The following ZIM2 variants were observed in gnomAD, a reference collection of about 807,000 sequenced individuals.
ZIM2 encodes the protein zinc finger protein 656.
Under a neutral mutation model 38.6 loss-of-function variants are expected in ZIM2, and 14 were observed. The ratio of observed to expected loss-of-function variants is 0.36; its 90% CI spans 0.24 to 0.57. The LOEUF is 0.57. ZIM2 is among the 20% of genes least tolerant of loss of function. The probability of loss-of-function intolerance (pLI) is 0.81; values close to 1 mark genes in which losing one functional copy is unlikely to be tolerated. For missense variants in ZIM2, 680 were observed against 695.1 expected (o/e 0.98, Z 0.24); for synonymous variants, 247 against 245.8 (o/e 1.00, Z -0.04).
At chr19:56,800,749 A>G (rs1457269270) in intron 9 of ZIM2, among the ~76,000 whole-genome samples, 1 of 152,234 alleles carries the variant, frequency 6.6e-6, no homozygotes, top group East Asian at 1.9e-4. Context: ...GGTATGATAG[A>G]ACAAATCAAA....
At chr19:56,829,209 G>A (rs1306909336) in intron 2 of ZIM2, among the ~76,000 whole-genome samples, 1 of 151,928 alleles carries the variant, frequency 6.6e-6, no homozygotes, top group Non-Finnish European at 1.5e-5. Context: ...AAATTAGCTG[G>A]GCGTGGTGGC....
At chr19:56,818,496 C>A in intron 8 of ZIM2, 104 bp downstream of exon 8, 1 of 1,219,576 alleles carries the variant, frequency 8.2e-7, no homozygotes, top group South Asian at 1.4e-5. Context: ...CCCTTGAAGT[C>A]CAAATATATT....
intron 9 of ZIM2, chr19:56,811,221 T>A: frequency 5.2e-6 from 5 of 968,426 alleles, no homozygotes; most frequent in Non-Finnish European, 6.1e-6. Context: ...TTCAAGAAAT[T>A]TAAGAAAATA....
chr19:56,821,527 G>T, intron 7 of ZIM2, 124 bp downstream of exon 7: 1 of 1,171,066 alleles, frequency 8.5e-7, no homozygotes, highest in Non-Finnish European at 1.2e-6. Flanking sequence ...TCCTCCTGGA[G>T]CGCTGGGACT....
chr19:56,798,914 T>C (rs2047361836), intron 9 of ZIM2: 1 of 152,164 alleles, frequency 6.6e-6, no homozygotes, highest in Non-Finnish European at 1.5e-5. Flanking sequence ...CACAATGAGA[T>C]ACCATCTCAC....
At chr19:56,791,267 C>T (rs1205558012) in intron 9 of ZIM2, 2 of 152,194 alleles carry the variant, frequency 1.3e-5, no homozygotes, top group Non-Finnish European at 2.9e-5. Flanking sequence ...TCAAGTTACT[C>T]AACCTCTTTA....
chr19:56,813,943 A>G, intron 9 of ZIM2: 1 of 1,614,128 alleles, frequency 6.2e-7, no homozygotes, highest in Non-Finnish European at 8.5e-7. Flanking sequence ...TGGTTCTTCT[A>G]CCTGAATCTC....
chr19:56,819,308 C>G (rs961907401), intron 7 of ZIM2, among the ~76,000 whole-genome samples: 5 of 152,186 alleles, frequency 3.3e-5, no homozygotes, highest in African/African-American at 1.2e-4. Context: ...TGCACAATTT[C>G]CAAATCACCC....
chr19:56,781,595 C>G (rs1386566569), intron 11 of ZIM2, among the ~76,000 whole-genome samples: 2 of 152,044 alleles, frequency 1.3e-5, no homozygotes, highest in Non-Finnish European at 2.9e-5. Context: ...GGGGTTAAAT[C>G]CCAGCTTTCG....
intron 2 of ZIM2, chr19:56,833,509 C>A: frequency 3.8e-6 from 1 of 260,770 alleles, no homozygotes. Context: ...TTTAAATGCC[C>A]GACACTCAGT....
rs1568670816 is a variant in ZIM2, at chr19:56,822,921, A to G, written c.107-85T>C. On this transcript the variant is annotated intron_variant, in intron 5 of 12. Transcript: ENST00000629319. ...CATGTGCACAAACACCCCTCTGGAAAGAGATGCTACCCTCTTCCCACAAGG... is the reference window on the plus strand; with the variant it reads ...CATGTGCACAAACACCCCTCTGGAAGGAGATGCTACCCTCTTCCCACAAGG... The G allele has an allele frequency of 2.0e-6, 3 of 1,524,502 alleles. No individual in the cohort carries two copies. In the East Asian group the frequency reaches 7.3e-5, roughly 37 times the overall value. The allele number at this position is 1,524,502 out of a possible 1,614,324, so 94.4% of individuals were successfully genotyped here. A position where few individuals can be genotyped will look rare whatever the true frequency, so the allele number is the denominator to read the frequency against.
chr19:56,775,558 C>T (rs1209092283), intron 12 of ZIM2, 29 bp from the exon 13 acceptor site: 10 of 1,566,398 alleles, frequency 6.4e-6, no homozygotes, highest in Non-Finnish European at 8.6e-6. Flanking sequence ...AAGTTACCTA[C>T]CGCCCAATTA....
chr19:56,828,255 A>G lies in ZIM2; in HGVS notation c.-226-1792T>C, dbSNP rs868819961. ...GCCATTAGCAGGTACATGAAAGTCA[A>G]TTTAGAAAACCCTAAAGAATCAACT... On this transcript the variant is annotated intron_variant, in intron 2 of 12. Transcript: ENST00000629319. Among the ~76,000 whole-genome samples, 60 of 152,314 alleles carry G rather than the reference A, an allele frequency of 3.9e-4. No homozygotes were observed. In the Middle Eastern group the frequency reaches 0.01, roughly 26 times the overall value.
At chr19:56,783,691 A>C (rs892549013) in intron 10 of ZIM2, among the ~76,000 whole-genome samples, 7 of 152,184 alleles carry the variant, frequency 4.6e-5, no homozygotes, top group Admixed American at 1.3e-4. Context: ...GGGAGGGAGG[A>C]GAATAAGGAT....
intron 2 of ZIM2, among the ~76,000 whole-genome samples, chr19:56,831,198 AATATAAGG>A (rs2061538843): frequency 6.6e-6 from 1 of 152,166 alleles, no homozygotes; most frequent in Non-Finnish European, 1.5e-5. Flanking sequence ...TGTTTTTTCC[AATATAAGG>A]ATATAAGCAC....
intron 2 of ZIM2, chr19:56,833,828 G>A (rs2061815077): frequency 6.5e-6 from 1 of 152,752 alleles, no homozygotes; most frequent in Non-Finnish European, 1.5e-5. Flanking sequence ...GGAGCAAGGA[G>A]TAAATGACCA....
intron 9 of ZIM2, chr19:56,791,236 A>G (rs1361383126): frequency 1.3e-5 from 2 of 152,166 alleles, no homozygotes; most frequent in Non-Finnish European, 2.9e-5. Flanking sequence ...CCAATTATTA[A>G]TATAAGTTGT....
In ZIM2 at chr19:56,824,331, T is replaced by C. The variant is rs774831387; in HGVS notation, c.-54A>G. 18 of 1,613,988 alleles carry C rather than the reference T, an allele frequency of 1.1e-5. No homozygotes were observed. The highest frequency in any genetic ancestry group is 1.0e-4 in the Admixed American group (6 of 60,002). On this transcript the variant is annotated 5_prime_UTR_variant, in exon 4 of 13. Coordinates refer to ENST00000629319, the MANE Select transcript of ZIM2 (RefSeq NM_001387356.1). The stretch of plus-strand genomic sequence containing the variant: ...AGCTTCTCACAGTTCTCCGGCTTTT[T>C]TGCTCGCACCCAAGGCTTGAGCTTT...
intron 12 of ZIM2, among the ~76,000 whole-genome samples, chr19:56,778,389 C>A (rs1166167326): frequency 6.6e-6 from 1 of 152,188 alleles, no homozygotes; most frequent in South Asian, 2.1e-4. Context: ...TTTCCACTCA[C>A]ACAGACAAAC....
Sources: allele counts gnomAD v4.1 joint callset (sites outside exome capture counted in the v4.1 genomes callset), GRCh38; gene constraint gnomAD v4.1.1; transcripts MANE v1.5; gene names NCBI Gene and HGNC (gene_info 2026-07-23, HGNC 2026-07-21).